The following PEX5L variants were observed in gnomAD, a reference collection of about 807,000 sequenced individuals.
PEX5L encodes peroxisomal biogenesis factor 5 like.
In PEX5L, 30 loss-of-function variants were observed where a neutral mutation model predicts 84.0. That is an observed-to-expected ratio of 0.36 (90% CI 0.27 to 0.48). The LOEUF (loss-of-function observed/expected upper bound fraction) is 0.48, where lower values mean the gene tolerates loss of function less well. Ranked by LOEUF, PEX5L falls within the 20% of genes least tolerant of loss-of-function variation. The probability of loss-of-function intolerance (pLI) is 0.99; values close to 1 mark genes in which losing one functional copy is unlikely to be tolerated. For missense variants in PEX5L, 533 were observed against 754.6 expected (o/e 0.71, Z 3.44); for synonymous variants, 270 against 283.1 (o/e 0.95, Z 0.46).
At chr3:180,002,730 T>C (rs897448018) in intron 1 of PEX5L, among the ~76,000 whole-genome samples, 3 of 152,144 alleles carry the variant, frequency 2.0e-5, no homozygotes, top group Non-Finnish European at 2.9e-5. Flanking sequence ...CAGTTTTAAC[T>C]ATAGCTAGAA....
intron 8 of PEX5L, among the ~76,000 whole-genome samples, chr3:179,831,217 A>C (rs1332243075): frequency 6.6e-6 from 1 of 151,498 alleles, no homozygotes; most frequent in Non-Finnish European, 1.5e-5. Flanking sequence ...CGGGAGGCTG[A>C]GGCAGAGAAT....
intron 7 of PEX5L, among the ~76,000 whole-genome samples, chr3:179,862,713 C>G (rs1746637206): frequency 6.6e-6 from 1 of 151,984 alleles, no homozygotes. Context: ...GAAAAAAATC[C>G]CGTGATCATG....
chr3:179,971,185 TTC>T (rs140923625), intron 2 of PEX5L, among the ~76,000 whole-genome samples: 1 of 127,342 alleles, frequency 7.9e-6, no homozygotes, highest in African/African-American at 3.0e-5. Flanking sequence ...GTTTTCAGTT[TTC>T]TCTCTTTCTC....
Position 179,898,261 on chromosome 3 carries a change from T to C in PEX5L, c.94-15A>G, listed in dbSNP as rs1760031880. ...GAGCCTTTTCCCTATAACAGTGAAATCAACAATGACTGTGTCAGGAGAGAT... is the reference window on the plus strand; with the variant it reads ...GAGCCTTTTCCCTATAACAGTGAAACCAACAATGACTGTGTCAGGAGAGAT... On this transcript the variant is annotated splice_polypyrimidine_tract_variant and intron_variant, in intron 2 of 14. Coordinates refer to ENST00000467460, the MANE Select transcript of PEX5L (RefSeq NM_016559.3). 6.5e-7 allele frequency: 1 copy of C among 1,540,486 alleles called. No individual in the cohort carries two copies. The highest frequency in any genetic ancestry group is 1.7e-5 in the Admixed American group (1 of 59,798).
chr3:179,995,034 A>AT (rs1338890858), intron 1 of PEX5L, among the ~76,000 whole-genome samples: 1 of 148,936 alleles, frequency 6.7e-6, no homozygotes, highest in East Asian at 1.9e-4. Flanking sequence ...AATACTTAAT[A>AT]AACTCCCCTA....
chr3:179,867,907 G>T (rs1015973620), intron 7 of PEX5L, among the ~76,000 whole-genome samples: 13 of 152,108 alleles, frequency 8.5e-5, no homozygotes, highest in African/African-American at 3.1e-4. Flanking sequence ...GTAAAAGTAA[G>T]TAATAATCAG....
At chr3:179,840,402 TGGTCTCGAACTCCTGACCTCA>T (rs374728423) in intron 8 of PEX5L, among the ~76,000 whole-genome samples, 3,980 of 152,156 alleles carry the variant, frequency 0.026, 77 homozygotes, top group Non-Finnish European at 0.04. Context: ...TTGGCCAGGC[TGGTCTCGAACTCCTGACCTCA>T]GGTGATCCAC....
At chr3:179,848,691 A>G (rs968721947) in intron 8 of PEX5L, among the ~76,000 whole-genome samples, 2 of 152,206 alleles carry the variant, frequency 1.3e-5, no homozygotes, top group African/African-American at 4.8e-5. Flanking sequence ...AGAATATCAG[A>G]GCTGGAAGGG....
intron 2 of PEX5L, among the ~76,000 whole-genome samples, chr3:179,948,379 T>A (rs893508823): frequency 1.3e-5 from 2 of 152,226 alleles, no homozygotes; most frequent in African/African-American, 2.4e-5. Context: ...ATCTAAAGTA[T>A]CTTCCAAAAA....
chr3:179,813,807 G>A (rs1246715255), intron 10 of PEX5L, among the ~76,000 whole-genome samples: 3 of 151,932 alleles, frequency 2.0e-5, no homozygotes, highest in Non-Finnish European at 4.4e-5. Flanking sequence ...CTCCCGAGTA[G>A]CTGGGACTAC....
chr3:179,880,572 C>T (rs1166387845), intron 4 of PEX5L, among the ~76,000 whole-genome samples: 2 of 152,146 alleles, frequency 1.3e-5, no homozygotes, highest in African/African-American at 2.4e-5. Context: ...TAAAGCAATG[C>T]TGTTAATCAT....
At chr3:180,006,687 G>A (rs1788928511) in intron 1 of PEX5L, among the ~76,000 whole-genome samples, 1 of 152,164 alleles carries the variant, frequency 6.6e-6, no homozygotes, top group Admixed American at 6.5e-5. Flanking sequence ...CATGGCAGGA[G>A]GTGAAAGGCA....
chr3:179,829,943 A>ATTTTTTTTTTTTTTTT (rs11352022), intron 8 of PEX5L, among the ~76,000 whole-genome samples: 3 of 83,610 alleles, frequency 3.6e-5, no homozygotes, highest in Non-Finnish European at 4.4e-5. Flanking sequence ...GGCCTGGCTA[A>ATTTTTTTTTTTTTTTT]TTTTTTTTTT....
chr3:179,817,475 A>G (rs1047046499), intron 9 of PEX5L, among the ~76,000 whole-genome samples: 3 of 152,208 alleles, frequency 2.0e-5, no homozygotes, highest in African/African-American at 7.2e-5. Flanking sequence ...AGCCTTATGC[A>G]CAAATCTTTG....
At chr3:179,803,579 C>G (rs3774229) in intron 14 of PEX5L, among the ~76,000 whole-genome samples, 24,092 of 152,142 alleles carry the variant, frequency 0.16, 1,987 homozygotes, top group South Asian at 0.21. Flanking sequence ...CATTTCACCC[C>G]AACCTTGTTG....
At chr3:179,831,056 G>A (rs1486631025) in intron 8 of PEX5L, among the ~76,000 whole-genome samples, 1 of 152,132 alleles carries the variant, frequency 6.6e-6, no homozygotes, top group African/African-American at 2.4e-5. Context: ...GGTGGCTCAC[G>A]CCTGTAATCC....
chr3:179,974,143 T>G (rs1785452041), intron 1 of PEX5L: 1 of 985,426 alleles, frequency 1.0e-6, no homozygotes, highest in African/African-American at 1.7e-5. Flanking sequence ...CTGTCTTCTA[T>G]CTATGCACTT....
intron 4 of PEX5L, chr3:179,881,598 C>T (rs961516908): frequency 6.6e-6 from 1 of 152,120 alleles, no homozygotes; most frequent in Non-Finnish European, 1.5e-5. Flanking sequence ...ATGTGATTTC[C>T]ATTCTTTTAC....
intron 2 of PEX5L, among the ~76,000 whole-genome samples, chr3:179,913,837 T>C (rs1766041157): frequency 6.6e-6 from 1 of 152,192 alleles, no homozygotes; most frequent in Non-Finnish European, 1.5e-5. Context: ...ATTAGTACCA[T>C]AGAATTTTAT....
Sources: allele counts gnomAD v4.1 joint callset (sites outside exome capture counted in the v4.1 genomes callset), GRCh38; gene constraint gnomAD v4.1.1; transcripts MANE v1.5; gene names NCBI Gene and HGNC (gene_info 2026-07-23, HGNC 2026-07-21).